Variants in SLC24A3 observed in about 807,000 individuals in gnomAD.
SLC24A3 encodes the protein solute carrier family 24 member 3, also known as sodium/potassium/calcium exchanger 3.
In SLC24A3, 28 loss-of-function variants were observed where a neutral mutation model predicts 75.8. The observed-to-expected ratio is 0.37, with a 90% confidence interval of 0.27 to 0.51. SLC24A3 has a LOEUF of 0.51. SLC24A3 is among the 20% of genes least tolerant of loss of function. SLC24A3 has a pLI of 0.94. For synonymous variants in SLC24A3, 372 were observed against 334.1 expected (o/e 1.11, Z -1.24); for missense variants, 663 against 847.8 (o/e 0.78, Z 2.71).
At chr20:19,610,316 A>C (rs2122662590) in intron 6 of SLC24A3, among the ~76,000 whole-genome samples, 1 of 152,298 alleles carries the variant, frequency 6.6e-6, no homozygotes, top group South Asian at 2.1e-4. Context: ...TCCAAGGTGT[A>C]CAACATTAAT....
chr20:19,505,328 G>A (rs6112424), intron 2 of SLC24A3, among the ~76,000 whole-genome samples: 2,199 of 152,246 alleles, frequency 0.014, 19 homozygotes, highest in Middle Eastern at 0.034. Context: ...CAAATCCACC[G>A]CAAATTGTCC....
chr20:19,473,311 A>G (rs773551359), intron 2 of SLC24A3, among the ~76,000 whole-genome samples: 5 of 152,254 alleles, frequency 3.3e-5, no homozygotes, highest in African/African-American at 4.8e-5. Context: ...TACATTATAA[A>G]GGTAAGAAAA....
chr20:19,465,433 T>C (rs1166719532), intron 2 of SLC24A3, among the ~76,000 whole-genome samples: 3 of 151,344 alleles, frequency 2.0e-5, no homozygotes, highest in African/African-American at 4.9e-5. Context: ...GACTTTTTAC[T>C]AATGTTCTTT....
At chr20:19,553,175 G>A (rs376702094) in intron 3 of SLC24A3, among the ~76,000 whole-genome samples, 6 of 146,326 alleles carry the variant, frequency 4.1e-5, no homozygotes, top group South Asian at 2.1e-4. Context: ...GGCAGCCTCC[G>A]CACCTTTGTG....
chr20:19,654,243 C>A, intron 7 of SLC24A3, 107 bp downstream of exon 7: 2 of 947,140 alleles, frequency 2.1e-6, no homozygotes, highest in South Asian at 1.4e-5. Context: ...GTGGCGAGTG[C>A]GAGATGCATG....
intron 3 of SLC24A3, among the ~76,000 whole-genome samples, chr20:19,524,086 G>A (rs1258154784): frequency 2.0e-5 from 3 of 151,962 alleles, no homozygotes; most frequent in Non-Finnish European, 1.5e-5. Context: ...GCCTGCCCCC[G>A]AAAGTACCCC....
At chr20:19,285,026 C>T (rs920462988) in intron 2 of SLC24A3, among the ~76,000 whole-genome samples, 2 of 152,148 alleles carry the variant, frequency 1.3e-5, no homozygotes, top group African/African-American at 4.8e-5. Context: ...ACTCCCTCTC[C>T]CCTCCTCCCC....
chr20:19,255,751 G>A (rs2122186465), intron 1 of SLC24A3, among the ~76,000 whole-genome samples: 1 of 152,314 alleles, frequency 6.6e-6, no homozygotes, highest in East Asian at 1.9e-4. Flanking sequence ...AGTATAAAAT[G>A]CACAGTGGCT....
intron 3 of SLC24A3, among the ~76,000 whole-genome samples, chr20:19,543,709 G>A (rs1182224136): frequency 6.6e-6 from 1 of 152,170 alleles, no homozygotes; most frequent in Non-Finnish European, 1.5e-5. Flanking sequence ...ACCATGCTTT[G>A]TGCGTAGCCA....
chr20:19,239,995 C>T (rs1982283891), intron 1 of SLC24A3, among the ~76,000 whole-genome samples: 1 of 152,214 alleles, frequency 6.6e-6, no homozygotes, highest in Admixed American at 6.5e-5. Flanking sequence ...GGCTGCCCAA[C>T]CCCAAGGGCC....
intron 1 of SLC24A3, among the ~76,000 whole-genome samples, chr20:19,235,185 G>A (rs1358319507): frequency 6.6e-6 from 1 of 152,230 alleles, no homozygotes; most frequent in Non-Finnish European, 1.5e-5. Flanking sequence ...GTTTGAGTGG[G>A]ACTGAGACCC....
chr20:19,533,009 C>T (rs1484659028), intron 3 of SLC24A3, among the ~76,000 whole-genome samples: 1 of 152,194 alleles, frequency 6.6e-6, no homozygotes, highest in Non-Finnish European at 1.5e-5. Flanking sequence ...CTGCCTGATT[C>T]TTCTTGGGCA....
intron 2 of SLC24A3, among the ~76,000 whole-genome samples, chr20:19,372,828 A>G (rs1401502342): frequency 6.6e-6 from 1 of 152,024 alleles, no homozygotes; most frequent in African/African-American, 2.4e-5. Context: ...ACACCGGTAC[A>G]ACCAGCACAT....
intron 2 of SLC24A3, among the ~76,000 whole-genome samples, chr20:19,352,753 C>T (rs1985599537): frequency 6.6e-6 from 1 of 152,260 alleles, no homozygotes. Flanking sequence ...GGGGAAGAGA[C>T]ATTGTGTAGG....
chr20:19,290,529 A>T (rs1248514905), intron 2 of SLC24A3, among the ~76,000 whole-genome samples: 1 of 152,148 alleles, frequency 6.6e-6, no homozygotes, highest in Non-Finnish European at 1.5e-5. Flanking sequence ...GAGTGAGAAA[A>T]TGTCATCTAT....
intron 2 of SLC24A3, among the ~76,000 whole-genome samples, chr20:19,424,478 T>A (rs1986965564): frequency 6.6e-6 from 1 of 150,800 alleles, no homozygotes; most frequent in African/African-American, 2.4e-5. Context: ...TCATTTAAGG[T>A]CAGGAGTTCA....
intron 1 of SLC24A3, among the ~76,000 whole-genome samples, chr20:19,239,136 A>C (rs1000250631): frequency 2.9e-4 from 44 of 151,690 alleles, no homozygotes; most frequent in African/African-American, 4.4e-4. Flanking sequence ...AAAAAAAAAA[A>C]AACAACACAG....
intron 2 of SLC24A3, among the ~76,000 whole-genome samples, chr20:19,365,855 C>T (rs1485597843): frequency 6.6e-6 from 1 of 152,206 alleles, no homozygotes; most frequent in East Asian, 1.9e-4. Flanking sequence ...AAAGCCTCCC[C>T]ACTAAAATCC....
intron 1 of SLC24A3, among the ~76,000 whole-genome samples, chr20:19,250,787 C>T (rs1048562173): frequency 1.3e-5 from 2 of 152,264 alleles, no homozygotes; most frequent in East Asian, 1.9e-4. Context: ...GGGAACCAAA[C>T]GTTTATGGAT....
Sources: allele counts gnomAD v4.1 joint callset (sites outside exome capture counted in the v4.1 genomes callset), GRCh38; gene constraint gnomAD v4.1.1; transcripts MANE v1.5; gene names NCBI Gene and HGNC (gene_info 2026-07-23, HGNC 2026-07-21).